The following CA11 variants were observed in gnomAD, a reference collection of about 807,000 sequenced individuals.
The protein encoded by CA11 is carbonic anhydrase-related protein 11.
CA11 carries 20 observed loss-of-function variants against 39.3 expected under a neutral mutation model. The ratio of observed to expected loss-of-function variants is 0.51; its 90% CI spans 0.36 to 0.74. The LOEUF (loss-of-function observed/expected upper bound fraction) is 0.74. CA11 is among the 30% of genes least tolerant of loss of function. The probability of loss-of-function intolerance (pLI) is 0.00; values close to 1 mark genes in which losing one functional copy is unlikely to be tolerated. For missense variants in CA11, 336 were observed against 424.6 expected, an observed-to-expected ratio of 0.79 and a Z score of 1.83; for synonymous variants, 166 against 172.5, an observed-to-expected ratio of 0.96 and a Z score of 0.29.
intron 4 of CA11, 58 bp from the exon 5 acceptor site, chr19:48,639,941 A>G: frequency 6.4e-7 from 1 of 1,558,850 alleles, no homozygotes; most frequent in Non-Finnish European, 8.8e-7. Context: ...GCATGACCCC[A>G]GCTTTGGGGG....
At chr19:48,640,007 G>T (rs1234741406) in intron 4 of CA11, 88 bp downstream of exon 4, 14 of 1,510,184 alleles carry the variant, frequency 9.3e-6, no homozygotes, top group Non-Finnish European at 1.1e-5. Flanking sequence ...TGTGGAGGAG[G>T]ATGGGGTGAG....
intron 8 of CA11, 94 bp from the exon 9 acceptor site, chr19:48,638,238 A>C: frequency 8.3e-7 from 1 of 1,205,432 alleles, no homozygotes; most frequent in Non-Finnish European, 1.0e-6. Flanking sequence ...GCTGGGCCCT[A>C]CCGTCGGAAG....
At chr19:48,638,280 C>T (rs757436743) in intron 8 of CA11, 136 bp from the exon 9 acceptor site, 11 of 1,220,712 alleles carry the variant, frequency 9.0e-6, no homozygotes, top group East Asian at 6.7e-5. Flanking sequence ...TGTACTAGGT[C>T]GAGAAGCACT....
Position 48,638,958 on chromosome 19 carries a change from C to T in CA11, c.891G>A (p.Arg297=). ...GGGGGTCCCTGTTGCCCCTCAGTGC[C>T]CTGTGGGCCAAGGGCTGCAGGGGCC... The part of the protein sequence containing the change: ...NSRPLQPLAH[R]ALRGNRDPRH... Residue 297 remains arginine (R), a synonymous_variant, in exon 8 of 9, where the codon AGG becomes AGA. Transcript: ENST00000084798. 6.2e-7 allele frequency: 1 copy of T among 1,613,174 alleles called. No individual in the cohort carries two copies. The highest frequency in any genetic ancestry group is 8.5e-7 in the Non-Finnish European group (1 of 1,179,730).
At position 48,640,111 on chromosome 19, in the gene CA11, T is replaced by C; in HGVS notation, c.455A>G (p.Gln152Arg). 6.2e-7 allele frequency: 1 copy of C among 1,613,694 alleles called. No individual in the cohort carries two copies. Among genetic ancestry groups the C allele is most frequent in the Non-Finnish European group, 8.5e-7 (1 of 1,179,780 alleles). The change falls in exon 4 of 9, where the codon CAG becomes CGG. Residue 152 changes from glutamine to arginine, a missense_variant. Physicochemically the swap from Gln to Arg is conservative, Grantham distance 43. Transcript: ENST00000084798. Reference sequence around the variant, plus strand: ...GGCCACTACCTCAGCAGAGAAGCCCTGGTGGTTGATCTGATGTTCCGAGCC... The same window carrying C: ...GGCCACTACCTCAGCAGAGAAGCCCCGGTGGTTGATCTGATGTTCCGAGCC... ...GAGSEHQINH[Q>R]GFSAEVQLIH...
chr19:48,644,332 C>T, intron 3 of CA11, 95 bp downstream of exon 3: 1 of 1,234,956 alleles, frequency 8.1e-7, no homozygotes, highest in Non-Finnish European at 1.1e-6. Flanking sequence ...CCCTCCTCCC[C>T]CAAGGCTGCT....
In CA11 at chr19:48,645,806, A is replaced by G; in HGVS notation, c.-174T>C. On this transcript the variant is annotated 5_prime_UTR_variant, in exon 1 of 9. Transcript: ENST00000084798. ...AGCCAGGGACTGAGATCCGCCCTTC[A>G]AACCCACTCTTCTTCTCTCTCCCGT... 1.8e-6 allele frequency: 1 copy of G among 549,022 alleles called. No individual in the cohort carries two copies. Among genetic ancestry groups the G allele is most frequent in the Non-Finnish European group, 3.2e-6 (1 of 314,060 alleles). 34.0% of individuals were successfully genotyped at this position (549,022 alleles called of 1,614,324 possible).
intron 3 of CA11, among the ~76,000 whole-genome samples, chr19:48,640,827 AC>A (rs1196509853): frequency 6.6e-6 from 1 of 151,682 alleles, no homozygotes; most frequent in African/African-American, 2.4e-5. Flanking sequence ...GGCGCCCGCC[AC>A]CACACCCGGC....
In CA11 at chr19:48,643,060, C is replaced by G. The variant is rs1184469684; in HGVS notation, c.285+1367G>C. The stretch of plus-strand genomic sequence containing the variant: ...TGGACAACATAGTGAGACCCCACCT[C>G]TACAAAAAACTTAAAAAGTTAGCCA... On this transcript the variant is annotated intron_variant, in intron 3 of 8. Coordinates refer to ENST00000084798, the MANE Select transcript of CA11 (RefSeq NM_001217.5). The surrounding 1 kb of genome is among the most constrained non-coding windows in gnomAD (Gnocchi z 4.3). Among the ~76,000 whole-genome samples the G allele has an allele frequency of 6.6e-6, 1 of 152,144 alleles. No individual in the cohort carries two copies. Among genetic ancestry groups the G allele is most frequent in the Non-Finnish European group, 1.5e-5 (1 of 68,030 alleles).
At chr19:48,639,257 T>A (rs770524116) in intron 7 of CA11, 48 bp downstream of exon 7, 169 of 1,599,688 alleles carry the variant, frequency 1.1e-4, no homozygotes, top group Non-Finnish European at 1.4e-4. Context: ...CCCAGGCCAG[T>A]GAGTGGAGTA....
chr19:48,639,117 G>T, intron 7 of CA11, 64 bp from the exon 8 acceptor site: 1 of 1,596,000 alleles, frequency 6.3e-7, no homozygotes, highest in Non-Finnish European at 8.6e-7. Context: ...ACGTCACGCA[G>T]GAAACCCCGC....
At chr19:48,640,065 G>A in intron 4 of CA11, 30 bp downstream of exon 4, 1 of 1,603,688 alleles carries the variant, frequency 6.2e-7, no homozygotes, top group Middle Eastern at 1.7e-4. Context: ...CAGGGCGGAG[G>A]GTGGCGGGTA....
chr19:48,640,803 T>C (rs1427544087), intron 3 of CA11, among the ~76,000 whole-genome samples: 1 of 151,284 alleles, frequency 6.6e-6, no homozygotes, highest in Non-Finnish European at 1.5e-5. Context: ...GCCTCCAGAG[T>C]GGCTGGGACT....
At chr19:48,644,631 G>A in intron 2 of CA11, 62 bp from the exon 3 acceptor site, 1 of 1,384,458 alleles carries the variant, frequency 7.2e-7, no homozygotes, top group Non-Finnish European at 9.6e-7. Flanking sequence ...TCCCAGGGCT[G>A]GTATCTGCTG....
At chr19:48,641,677 T>C (rs11878449) in intron 3 of CA11, among the ~76,000 whole-genome samples, 23,286 of 151,920 alleles carry the variant, frequency 0.15, 3,371 homozygotes, top group African/African-American at 0.37. Context: ...CAAAGTCTCA[T>C]TCTGGCACCC....
intron 4 of CA11, 76 bp from the exon 5 acceptor site, chr19:48,639,959 C>A: frequency 6.5e-7 from 1 of 1,531,294 alleles, no homozygotes. Flanking sequence ...GGGCCCGAAT[C>A]AGGCTGAGGA....
Position 48,640,276 on chromosome 19 carries a change from C to G in CA11, c.290G>C (p.Arg97Pro). Residue 97 changes from arginine (R) to proline (P), a missense_variant, in exon 4 of 9, where the codon CGG (arginine) becomes CCG (proline). By Grantham distance (103) the Arg-to-Pro change is moderately radical. Transcript: ENST00000084798. ...TCGGCCGGTGTTGTACAAGGTTCCC[C>G]GGAGCTGTGGGAGAGGCGGGAGCTG... ...LRLSTGGEKL[R>P]GTLYNTGRHV... 2 of 1,612,562 alleles carry G rather than the reference C, an allele frequency of 1.2e-6. No individual in the cohort carries two copies. The highest frequency in any genetic ancestry group is 1.7e-6 in the Non-Finnish European group (2 of 1,179,586).
intron 3 of CA11, among the ~76,000 whole-genome samples, chr19:48,640,511 AT>A (rs2031040270): frequency 6.7e-6 from 1 of 149,812 alleles, no homozygotes. Context: ...AGTAGCTGGG[AT>A]TACAGGCATG....
chr19:48,638,168 G>A, intron 8 of CA11, 24 bp from the exon 9 acceptor site: 1 of 1,330,808 alleles, frequency 7.5e-7, no homozygotes, highest in Non-Finnish European at 9.7e-7. Flanking sequence ...AACAACGGCA[G>A]GGGGCGTCAG....
Sources: allele counts gnomAD v4.1 joint callset (sites outside exome capture counted in the v4.1 genomes callset), GRCh38; gene constraint gnomAD v4.1.1; non-coding constraint Gnocchi (gnomAD v3.1); transcripts MANE v1.5; gene names NCBI Gene and HGNC (gene_info 2026-07-23, HGNC 2026-07-21).